CTXND2: variants seen among roughly 807,000 people sequenced by gnomAD.
CTXND2 encodes the protein cortexin domain containing 2.
At chr1:150,910,921 C>T (rs1479998299) in intron 1 of CTXND2, among the ~76,000 whole-genome samples, 2 of 152,144 alleles carry the variant, frequency 1.3e-5, no homozygotes, top group African/African-American at 4.8e-5. Context: ...TCTCCTGCCT[C>T]AGCCTCCGGA....
intron 1 of CTXND2, among the ~76,000 whole-genome samples, chr1:150,898,879 C>T (rs1479933430): frequency 6.7e-6 from 1 of 148,646 alleles, no homozygotes; most frequent in East Asian, 2.0e-4. Flanking sequence ...AGACCGAGAC[C>T]ATCCTGGGTA....
At chr1:150,910,217 C>T (rs1382928656) in intron 1 of CTXND2, among the ~76,000 whole-genome samples, 1 of 149,018 alleles carries the variant, frequency 6.7e-6, no homozygotes, top group Non-Finnish European at 1.5e-5. Context: ...GCAACCTCTG[C>T]CTCCCAGGTT....
chr1:150,912,539 C>T (rs1669273834), exon 2 of CTXND2: 2 of 398,438 alleles, frequency 5.0e-6, no homozygotes, highest in Non-Finnish European at 8.8e-6. Context: ...CTGTTATACA[C>T]ACTTTATATT....
In CTXND2 at chr1:150,898,958, C is replaced by T. The variant is rs182578797; in HGVS notation, c.-74+11645C>T. 8.3e-3 allele frequency among the ~76,000 whole-genome samples: 1,228 copies of T among 147,398 alleles called. 25 individuals carry two copies. Among genetic ancestry groups the T allele is most frequent in the African/African-American group, 0.029 (1,183 of 40,124 alleles). On this transcript the variant is annotated intron_variant, in intron 1 of 1. Coordinates refer to ENST00000636087, the Ensembl canonical transcript of CTXND2. The stretch of plus-strand genomic sequence containing the variant: ...TATATATATATATATATTAGCTGGG[C>T]GTGGTGGCAGGCGCCTGTTGTCCCA...
intron 1 of CTXND2, among the ~76,000 whole-genome samples, chr1:150,900,565 T>G (rs1328761766): frequency 6.6e-6 from 1 of 152,228 alleles, no homozygotes; most frequent in African/African-American, 2.4e-5. Context: ...GGAGAATCAC[T>G]TGAACCCGGG....
At chr1:150,895,050 T>C (rs1187115489) in intron 1 of CTXND2, among the ~76,000 whole-genome samples, 1 of 151,434 alleles carries the variant, frequency 6.6e-6, no homozygotes, top group Non-Finnish European at 1.5e-5. Context: ...AACATATATA[T>C]ATACATATAT....
chr1:150,904,175 G>A (rs759886440), intron 1 of CTXND2: 11 of 637,526 alleles, frequency 1.7e-5, no homozygotes, highest in South Asian at 1.2e-4. Flanking sequence ...AGAAAAGGCC[G>A]ACTTGACAGC....
chr1:150,887,856 A>G lies in CTXND2; in HGVS notation c.-74+543A>G, dbSNP rs1053247476. ...AAGAATGAAGTGATCTGGAAAAGGA[A>G]CACAGAGAAAGGAAAAGGTAATGGA... On this transcript the variant is annotated intron_variant, in intron 1 of 1. Coordinates refer to ENST00000636087, the Ensembl canonical transcript of CTXND2. Among the ~76,000 whole-genome samples the G allele has an allele frequency of 2.7e-5, 4 of 149,758 alleles. 1 individual carries two copies. The highest frequency in any genetic ancestry group is 6.7e-5 in the Admixed American group (1 of 14,954).
At chr1:150,895,956 C>A (rs181059637) in intron 1 of CTXND2, among the ~76,000 whole-genome samples, 28 of 152,306 alleles carry the variant, frequency 1.8e-4, no homozygotes, top group Non-Finnish European at 3.7e-4. Flanking sequence ...CTGTGCTCTC[C>A]CTGGCTATGG....
chr1:150,887,699 A>T (rs1023412293), intron 1 of CTXND2, among the ~76,000 whole-genome samples: 11 of 151,148 alleles, frequency 7.3e-5, no homozygotes, highest in Admixed American at 5.9e-4. Context: ...GGATTATAGT[A>T]AAAAAAAGCT....
At chr1:150,905,926 C>T (rs887853195) in intron 1 of CTXND2, among the ~76,000 whole-genome samples, 1 of 150,332 alleles carries the variant, frequency 6.7e-6, no homozygotes, top group Non-Finnish European at 1.5e-5. Flanking sequence ...GGAGGCGGAG[C>T]TTGCAGTGAG....
intron 1 of CTXND2, among the ~76,000 whole-genome samples, chr1:150,887,788 G>T (rs1456175781): frequency 6.6e-6 from 1 of 152,142 alleles, no homozygotes; most frequent in Middle Eastern, 3.4e-3. Flanking sequence ...GGTCTTTTTA[G>T]TATTTTGGTC....
intron 1 of CTXND2, among the ~76,000 whole-genome samples, chr1:150,890,359 C>T (rs1181429855): frequency 6.6e-6 from 1 of 152,158 alleles, no homozygotes; most frequent in African/African-American, 2.4e-5. Flanking sequence ...CCTTCCAGAA[C>T]CTTCTGAAAT....
At chr1:150,901,359 A>C (rs902253866) in intron 1 of CTXND2, among the ~76,000 whole-genome samples, 1 of 152,206 alleles carries the variant, frequency 6.6e-6, no homozygotes, top group Non-Finnish European at 1.5e-5. Context: ...AATCTGTATC[A>C]GAATCCCATC....
chr1:150,905,890 T>C (rs1669136038), intron 1 of CTXND2, among the ~76,000 whole-genome samples: 1 of 151,876 alleles, frequency 6.6e-6, no homozygotes, highest in African/African-American at 2.4e-5. Context: ...CTCGGGAGGC[T>C]GAGGCAGGAG....
intron 1 of CTXND2, among the ~76,000 whole-genome samples, chr1:150,911,255 C>G (rs1456812420): frequency 6.7e-6 from 1 of 150,256 alleles, no homozygotes; most frequent in East Asian, 2.0e-4. Context: ...GCCCTGGACT[C>G]TCAATTCTAT....
intron 1 of CTXND2, among the ~76,000 whole-genome samples, chr1:150,894,110 T>C (rs1668886132): frequency 6.6e-6 from 1 of 152,180 alleles, no homozygotes; most frequent in South Asian, 2.1e-4. Context: ...TCTGTAATCA[T>C]TGAGGTAATT....
intron 1 of CTXND2, among the ~76,000 whole-genome samples, chr1:150,897,037 T>C (rs1396993410): frequency 5.3e-5 from 8 of 152,132 alleles, no homozygotes; most frequent in Non-Finnish European, 1.5e-5. Flanking sequence ...TTCATGGAAC[T>C]GTGAGAAGCC....
chr1:150,899,327 T>C (rs985670443), intron 1 of CTXND2, among the ~76,000 whole-genome samples: 1 of 151,782 alleles, frequency 6.6e-6, no homozygotes, highest in African/African-American at 2.4e-5. Flanking sequence ...CCTAGCTACT[T>C]GGGAAGCTGA....
Sources: gnomAD v4.1 joint callset for allele counts (sites outside exome capture counted in the v4.1 genomes callset) on GRCh38, gnomAD v4.1.1 for gene constraint, MANE v1.5 for transcripts, NCBI Gene and HGNC (gene_info 2026-07-23, HGNC 2026-07-21) for gene names.